Variants in DOP1B observed in about 807,000 individuals in gnomAD.
DOP1B encodes the protein protein DOP1B.
A neutral mutation model predicts 233.5 loss-of-function variants in DOP1B; 174 were observed. The ratio of observed to expected loss-of-function variants is 0.75; its 90% confidence interval spans 0.66 to 0.85. The LOEUF (loss-of-function observed/expected upper bound fraction) is 0.85. Ranked by LOEUF, DOP1B falls within the 40% of genes least tolerant of loss-of-function variation. The pLI, the probability that DOP1B is intolerant of heterozygous loss-of-function variation, is 0.00. For missense variants in DOP1B, 2,652 were observed against 2,846.6 expected, an observed-to-expected ratio of 0.93 and a Z score of 1.56; for synonymous variants, 1,190 against 1,185.6, an observed-to-expected ratio of 1.00 and a Z score of -0.08.
intron 1 of DOP1B, among the ~76,000 whole-genome samples, chr21:36,163,303 C>CA (rs1281739176): frequency 6.7e-6 from 1 of 149,504 alleles, no homozygotes; most frequent in Non-Finnish European, 1.5e-5. Context: ...AAGATTGCGC[C>CA]ACCGCACTCC....
At chr21:36,235,767 C>T (rs937524025) in intron 15 of DOP1B, among the ~76,000 whole-genome samples, 7 of 150,214 alleles carry the variant, frequency 4.7e-5, no homozygotes, top group Non-Finnish European at 7.4e-5. Flanking sequence ...GATTTGTGAT[C>T]GGCATCAACT....
Position 36,253,836 on chromosome 21 carries a change from T to G in DOP1B, c.5186T>G (p.Leu1729Arg). Reference protein sequence around the residue: ...LVDLVCALSTLQTDTLLHLVK... With the variant: ...LVDLVCALSTRQTDTLLHLVK... The stretch of plus-strand genomic sequence containing the variant: ...GACTTGGTGTGTGCACTCAGCACCC[T>G]GCAGACTGACACGCTGCTGCACCTG... Residue 1729 changes from leucine to arginine, a missense_variant, in exon 23 of 37, where the codon CTG (leucine) becomes CGG (arginine). By Grantham distance (102) the Leu-to-Arg change is moderately radical. Transcript: ENST00000691173. 2 of 1,614,092 alleles carry G rather than the reference T, an allele frequency of 1.2e-6. No individual in the cohort carries two copies. Among genetic ancestry groups the G allele is most frequent in the Non-Finnish European group, 8.5e-7 (1 of 1,180,002 alleles).
intron 23 of DOP1B, among the ~76,000 whole-genome samples, chr21:36,257,775 T>C (rs1440530470): frequency 7.8e-6 from 1 of 129,030 alleles, no homozygotes; most frequent in Non-Finnish European, 1.6e-5. Context: ...GGTAGAGAGA[T>C]GTAGGTAGGT....
intron 22 of DOP1B, among the ~76,000 whole-genome samples, 199 bp downstream of exon 22, chr21:36,251,483 G>A (rs762736362): frequency 2.0e-5 from 3 of 152,042 alleles, no homozygotes; most frequent in African/African-American, 7.2e-5. Flanking sequence ...GCAGTGGTGC[G>A]ATCTTGGCTC....
At chr21:36,241,485 T>C (rs2066890732) in intron 18 of DOP1B, among the ~76,000 whole-genome samples, 2 of 148,870 alleles carry the variant, frequency 1.3e-5, no homozygotes, top group South Asian at 4.2e-4. Flanking sequence ...TTTTTTCTTA[T>C]CCTGTATTTA....
intron 10 of DOP1B, among the ~76,000 whole-genome samples, chr21:36,221,941 G>A (rs760216760): frequency 9.2e-5 from 14 of 151,808 alleles, no homozygotes; most frequent in Non-Finnish European, 1.3e-4. Flanking sequence ...GCGCCATCTC[G>A]GCTCATTGCA....
rs773109334 is a variant in DOP1B at position 36,237,238 on chromosome 21, C to T, written c.2623-24C>T. 3.7e-6 allele frequency: 6 copies of T among 1,613,964 alleles called. No homozygotes were observed. In the East Asian group the frequency reaches 1.1e-4, roughly 30 times the overall value. ...TTGCCTGTGTTGACCTGGTCCCCCA[C>T]CGCCTGCCTTTTCCTTGTCCCAGAG... is the stretch of plus-strand genomic sequence containing the variant. On this transcript the variant is annotated intron_variant, in intron 15 of 36. Coordinates refer to ENST00000691173, the MANE Select transcript of DOP1B (RefSeq NM_001320714.2).
chr21:36,223,760 A>G (rs2066651862), intron 11 of DOP1B, among the ~76,000 whole-genome samples: 1 of 152,160 alleles, frequency 6.6e-6, no homozygotes, highest in South Asian at 2.1e-4. Flanking sequence ...AGATAAAAGC[A>G]TTAATGTTTT....
intron 23 of DOP1B, among the ~76,000 whole-genome samples, chr21:36,254,300 T>C (rs775814168): frequency 6.6e-6 from 1 of 152,050 alleles, no homozygotes; most frequent in Non-Finnish European, 1.5e-5. Flanking sequence ...TAGTGAAAGA[T>C]GGTAAAGACA....
chr21:36,278,238 G>A lies in DOP1B; in HGVS notation c.5852G>A (p.Gly1951Asp), dbSNP rs751281448. The change falls in exon 30 of 37, where the codon GGC (glycine) becomes GAC (aspartate). Residue 1951 changes from glycine to aspartate, a missense_variant. Coordinates refer to ENST00000691173, the MANE Select transcript of DOP1B (RefSeq NM_001320714.2). ...TACAATGCTCCCAGCTTCCGGGCTG[G>A]CGCTCAGCTGCTGAGCTCCCTGAGT... is the stretch of plus-strand genomic sequence containing the variant. ...SAYNAPSFRA[G>D]AQLLSSLSGY... 1 of 1,614,102 alleles carries A rather than the reference G, an allele frequency of 6.2e-7. No homozygotes were observed. Among genetic ancestry groups the A allele is most frequent in the Non-Finnish European group, 8.5e-7 (1 of 1,180,028 alleles).
intron 33 of DOP1B, 45 bp from the exon 34 acceptor site, chr21:36,288,711 A>C: frequency 7.0e-7 from 1 of 1,419,244 alleles, no homozygotes; most frequent in Non-Finnish European, 9.8e-7. Flanking sequence ...ATTTGGGTAG[A>C]TTTAATCTGT....
At chr21:36,176,393 GCCT>G (rs1176985600) in intron 2 of DOP1B, among the ~76,000 whole-genome samples, 1 of 152,120 alleles carries the variant, frequency 6.6e-6, no homozygotes, top group African/African-American at 2.4e-5. Flanking sequence ...AGCCCTGCCA[GCCT>G]CCTTGTGTAT....
intron 9 of DOP1B, 93 bp downstream of exon 9, chr21:36,214,649 T>C (rs2066539962): frequency 2.8e-6 from 3 of 1,074,922 alleles, no homozygotes; most frequent in Non-Finnish European, 4.0e-6. Flanking sequence ...CAAAGCGTTA[T>C]TTTGAATATA....
intron 23 of DOP1B, among the ~76,000 whole-genome samples, chr21:36,258,490 G>A (rs1020206732): frequency 6.6e-6 from 1 of 152,044 alleles, no homozygotes; most frequent in Admixed American, 6.5e-5. Context: ...TCACGCATGT[G>A]CGTGAACACC....
rs969854079 is a variant in DOP1B at position 36,261,664 on chromosome 21, T to C, written c.5315+932T>C. ...GCTCAACGCCTGTAATCCCAGCACT[T>C]TGGGAGGCTAGAGTGGGTGAGTCAC... On this transcript the variant is annotated intron_variant, in intron 24 of 36. Coordinates refer to ENST00000691173, the MANE Select transcript of DOP1B (RefSeq NM_001320714.2). 1.7e-5 allele frequency: 17 copies of C among 984,148 alleles called. No individual in the cohort carries two copies. In the African/African-American group the frequency reaches 3.0e-4, roughly 17 times the overall value. The allele number at this position is 984,148 out of a possible 1,614,324, so 61.0% of individuals were successfully genotyped here.
chr21:36,207,501 T>G (rs1230941737), intron 4 of DOP1B, among the ~76,000 whole-genome samples: 1 of 110,856 alleles, frequency 9.0e-6, no homozygotes, highest in Non-Finnish European at 2.0e-5. Context: ...TTTTTTTTGT[T>G]TTTTTTTTTT....
chr21:36,161,256 C>T (rs1046402610), intron 1 of DOP1B, among the ~76,000 whole-genome samples: 1 of 152,012 alleles, frequency 6.6e-6, no homozygotes, highest in African/African-American at 2.4e-5. Flanking sequence ...AGTGATTCTC[C>T]CGCCTCAGCC....
chr21:36,265,591 T>C (rs1400894060), intron 26 of DOP1B, among the ~76,000 whole-genome samples: 1 of 152,148 alleles, frequency 6.6e-6, no homozygotes, highest in Admixed American at 6.5e-5. Context: ...CAGGCCCCTC[T>C]GTCTTCAGCC....
At chr21:36,184,486 T>C (rs771960806) in intron 2 of DOP1B, among the ~76,000 whole-genome samples, 7 of 152,148 alleles carry the variant, frequency 4.6e-5, no homozygotes, top group Non-Finnish European at 1.0e-4. Context: ...GCCCAGCCCC[T>C]GTATACACTG....
Sources: allele counts gnomAD v4.1 joint callset (sites outside exome capture counted in the v4.1 genomes callset), GRCh38; gene constraint gnomAD v4.1.1; transcripts MANE v1.5; gene names NCBI Gene and HGNC (gene_info 2026-07-23, HGNC 2026-07-21).